VPS13B: variants seen among roughly 807,000 people sequenced by gnomAD.
VPS13B encodes vacuolar protein sorting 13 homolog B.
Under a neutral mutation model 426.4 loss-of-function variants are expected in VPS13B, and 285 were observed. That is an observed-to-expected ratio of 0.67 (90% CI 0.61 to 0.74). The LOEUF (loss-of-function observed/expected upper bound fraction) is 0.74, where lower values mean the gene tolerates loss of function less well. Among genes scored for constraint, VPS13B ranks in the 30% least tolerant of loss-of-function variants. VPS13B has a pLI of 0.00. For missense variants in VPS13B, 4,537 were observed against 4,782.6 expected, an observed-to-expected ratio of 0.95 and a Z score of 1.51; for synonymous variants, 1,676 against 1,676.4, an observed-to-expected ratio of 1.00 and a Z score of 0.01.
chr8:99,428,233 T>A (rs548861570), intron 21 of VPS13B, among the ~76,000 whole-genome samples: 5 of 152,066 alleles, frequency 3.3e-5, no homozygotes, highest in African/African-American at 9.7e-5. Flanking sequence ...ATGGGCAAGG[T>A]CTTTATGTCT....
chr8:99,684,042 A>G (rs987936303), intron 35 of VPS13B, among the ~76,000 whole-genome samples: 3 of 152,112 alleles, frequency 2.0e-5, no homozygotes, highest in Admixed American at 6.5e-5. Context: ...TTATAAATGG[A>G]TATTGAATTT....
chr8:99,691,959 A>G (rs1588627567), intron 35 of VPS13B, among the ~76,000 whole-genome samples: 1 of 152,184 alleles, frequency 6.6e-6, no homozygotes, highest in East Asian at 1.9e-4. Context: ...CCATTACAGA[A>G]TGGTAAAGGG....
At chr8:99,256,566 T>A (rs1440549279) in intron 17 of VPS13B, among the ~76,000 whole-genome samples, 1 of 152,126 alleles carries the variant, frequency 6.6e-6, no homozygotes, top group Middle Eastern at 3.2e-3. Flanking sequence ...ATTATTATTA[T>A]TTTTTTAAAT....
intron 16 of VPS13B, among the ~76,000 whole-genome samples, chr8:99,189,132 G>T (rs894714442): frequency 2.6e-5 from 4 of 151,970 alleles, no homozygotes; most frequent in Non-Finnish European, 5.9e-5. Flanking sequence ...TGCATTTTTA[G>T]TAGAGAGGGG....
chr8:99,614,493 G>C (rs1457241768), intron 33 of VPS13B, among the ~76,000 whole-genome samples: 1 of 151,956 alleles, frequency 6.6e-6, no homozygotes, highest in East Asian at 2.0e-4. Context: ...GGTCAGGCTG[G>C]TCTCGAATGC....
At chr8:99,322,224 T>G (rs1810020360) in intron 19 of VPS13B, among the ~76,000 whole-genome samples, 1 of 152,206 alleles carries the variant, frequency 6.6e-6, no homozygotes, top group African/African-American at 2.4e-5. Flanking sequence ...AATAGCCACC[T>G]TTTTCATGGA....
At chr8:99,798,226 CA>C (rs34155215) in intron 43 of VPS13B, among the ~76,000 whole-genome samples, 5,275 of 84,898 alleles carry the variant, frequency 0.062, 160 homozygotes, top group African/African-American at 0.13. Context: ...TTGAAATAGC[CA>C]AAAAAAAAAA....
chr8:99,287,598 TATATG>T (rs1156315916), intron 19 of VPS13B, among the ~76,000 whole-genome samples: 2 of 152,058 alleles, frequency 1.3e-5, no homozygotes, highest in African/African-American at 4.8e-5. Flanking sequence ...TATCTGGAAA[TATATG>T]ATAGCCAAAG....
chr8:99,018,183 C>T (rs931190278), intron 2 of VPS13B, among the ~76,000 whole-genome samples: 5 of 152,098 alleles, frequency 3.3e-5, no homozygotes, highest in East Asian at 1.9e-4. Flanking sequence ...GTCAGGAGTT[C>T]GAGATCAGCC....
chr8:99,849,659 TG>T (rs1488523147), intron 55 of VPS13B, among the ~76,000 whole-genome samples: 1 of 152,114 alleles, frequency 6.6e-6, no homozygotes, highest in African/African-American at 2.4e-5. Context: ...AATGGAGAAG[TG>T]GGCAAAGATA....
chr8:99,583,765 G>A (rs1387912373), intron 33 of VPS13B, among the ~76,000 whole-genome samples: 2 of 152,146 alleles, frequency 1.3e-5, no homozygotes, highest in East Asian at 1.9e-4. Flanking sequence ...TAAGATGAGG[G>A]ATATAGAGGA....
At chr8:99,705,405 G>A (rs1199358492) in intron 36 of VPS13B, among the ~76,000 whole-genome samples, 1 of 152,102 alleles carries the variant, frequency 6.6e-6, no homozygotes, top group Non-Finnish European at 1.5e-5. Flanking sequence ...GAAATTATAT[G>A]AAATGGAGAA....
chr8:99,313,033 A>C (rs1263722733), intron 19 of VPS13B, among the ~76,000 whole-genome samples: 1 of 152,128 alleles, frequency 6.6e-6, no homozygotes, highest in Non-Finnish European at 1.5e-5. Context: ...TCATTTAAGG[A>C]CTTCTCTGCA....
At chr8:99,587,848 G>C (rs1826387500) in intron 33 of VPS13B, among the ~76,000 whole-genome samples, 1 of 151,702 alleles carries the variant, frequency 6.6e-6, no homozygotes, top group Middle Eastern at 3.2e-3. Flanking sequence ...TGTCTATTCT[G>C]GCTTTTGTTG....
chr8:99,401,586 C>A (rs1815041091), intron 21 of VPS13B, among the ~76,000 whole-genome samples: 1 of 152,194 alleles, frequency 6.6e-6, no homozygotes, highest in Non-Finnish European at 1.5e-5. Flanking sequence ...TAAACTATGG[C>A]TGGGCACAGT....
chr8:99,305,191 T>C (rs1820571606), intron 19 of VPS13B, among the ~76,000 whole-genome samples: 1 of 152,140 alleles, frequency 6.6e-6, no homozygotes, highest in African/African-American at 2.4e-5. Context: ...TCCTTTACAT[T>C]CTGTAACTTC....
intron 19 of VPS13B, among the ~76,000 whole-genome samples, chr8:99,335,176 T>A (rs1163753874): frequency 6.6e-6 from 1 of 152,210 alleles, no homozygotes; most frequent in East Asian, 1.9e-4. Flanking sequence ...TGATGATAGT[T>A]TGTATTTCTT....
At chr8:99,157,790 GAA>G (rs930784764) in intron 15 of VPS13B, among the ~76,000 whole-genome samples, 6 of 152,116 alleles carry the variant, frequency 3.9e-5, no homozygotes, top group Non-Finnish European at 8.8e-5. Flanking sequence ...GAATTCAAAG[GAA>G]AAGTCTCCAG....
chr8:99,017,563 C>T (rs111825853), intron 2 of VPS13B, among the ~76,000 whole-genome samples: 3,223 of 150,468 alleles, frequency 0.021, 47 homozygotes, highest in Admixed American at 0.038. Context: ...AGTGTGATCT[C>T]GGCTCACTGC....
Sources: allele counts gnomAD v4.1 joint callset (sites outside exome capture counted in the v4.1 genomes callset), GRCh38; gene constraint gnomAD v4.1.1; transcripts MANE v1.5; gene names NCBI Gene and HGNC (gene_info 2026-07-23, HGNC 2026-07-21).